TMEM232: variants seen among roughly 807,000 people sequenced by gnomAD.
The protein encoded by TMEM232 is transmembrane protein 232.
TMEM232 carries 80 observed loss-of-function variants against 78.8 expected under a neutral mutation model. The observed-to-expected ratio is 1.01, with a 90% CI of 0.85 to 1.22. TMEM232 has a LOEUF of 1.22. Ranked by LOEUF, TMEM232 falls within the 50% of genes most tolerant of loss-of-function variation. The pLI is 0.00. For missense variants in TMEM232, 881 were observed against 742.2 expected (o/e 1.19, Z -2.17); for synonymous variants, 297 against 254.3 (o/e 1.17, Z -1.60).
At chr5:110,663,765 G>T (rs1462892436) in intron 2 of TMEM232, among the ~76,000 whole-genome samples, 1 of 151,406 alleles carries the variant, frequency 6.6e-6, no homozygotes, top group Non-Finnish European at 1.5e-5. Flanking sequence ...GTGTGTGTGT[G>T]TGTGTGTGTA....
In TMEM232 at chr5:110,451,787, A is replaced by G. The variant is rs549590523; in HGVS notation, c.1704-26871T>C. On this transcript the variant is annotated intron_variant, in intron 12 of 13. Coordinates refer to ENST00000455884, the MANE Select transcript of TMEM232 (RefSeq NM_001039763.4). ...AGCATTTATTATTTATTAGTATCAT[A>G]GGTAGTTATGAACATCACTTATTAT... Among the ~76,000 whole-genome samples the G allele has an allele frequency of 2.5e-4, 38 of 152,216 alleles. 1 individual carries two copies. The highest frequency in any genetic ancestry group is 9.1e-4 in the African/African-American group (38 of 41,578).
intron 2 of TMEM232, among the ~76,000 whole-genome samples, chr5:110,407,446 TGATA>T (rs1755833036): frequency 6.6e-6 from 1 of 152,158 alleles, no homozygotes; most frequent in African/African-American, 2.4e-5. Flanking sequence ...TACTATATAT[TGATA>T]AAGGGGTCAA....
At chr5:110,434,342 T>C (rs1258690145) in intron 12 of TMEM232, among the ~76,000 whole-genome samples, 1 of 151,494 alleles carries the variant, frequency 6.6e-6, no homozygotes, top group African/African-American at 2.4e-5. Flanking sequence ...TGAACATCTC[T>C]ATGCACAGAA....
intron 2 of TMEM232, among the ~76,000 whole-genome samples, chr5:110,658,781 C>T (rs1174722648): frequency 1.3e-5 from 2 of 152,020 alleles, no homozygotes. Context: ...TATTTAACTA[C>T]CAAAGATGGA....
intron 10 of TMEM232, among the ~76,000 whole-genome samples, chr5:110,572,437 C>T (rs550372001): frequency 1.3e-5 from 2 of 151,990 alleles, no homozygotes; most frequent in African/African-American, 4.8e-5. Context: ...ATAAAACATA[C>T]AGTGAATTTT....
chr5:110,547,412 A>G (rs1050710188), intron 11 of TMEM232, among the ~76,000 whole-genome samples: 3 of 152,180 alleles, frequency 2.0e-5, no homozygotes, highest in Non-Finnish European at 2.9e-5. Context: ...TGAGACCCAC[A>G]CAGGTACTAA....
At chr5:110,568,658 C>A in intron 10 of TMEM232, 33 bp from the exon 11 acceptor site, 1 of 1,507,474 alleles carries the variant, frequency 6.6e-7, no homozygotes, top group Non-Finnish European at 8.8e-7. Context: ...TGGGAATTAT[C>A]ATTTTATTCA....
At chr5:110,500,176 C>T (rs1292255968) in intron 12 of TMEM232, among the ~76,000 whole-genome samples, 1 of 150,944 alleles carries the variant, frequency 6.6e-6, no homozygotes, top group African/African-American at 2.4e-5. Flanking sequence ...CCTGTAATCT[C>T]AGCTACTTGG....
At chr5:110,435,954 C>T (rs1033588647) in intron 12 of TMEM232, among the ~76,000 whole-genome samples, 7 of 151,608 alleles carry the variant, frequency 4.6e-5, no homozygotes, top group African/African-American at 1.7e-4. Flanking sequence ...TATGGATTTC[C>T]TATTTCTTGA....
rs192890423 is a variant in TMEM232 at position 110,632,681 on chromosome 5, C to T, written c.502-4801G>A. 6.5e-3 allele frequency among the ~76,000 whole-genome samples: 989 copies of T among 151,848 alleles called. 6 individuals carry two copies. The highest frequency in any genetic ancestry group is 8.5e-3 in the Non-Finnish European group (580 of 67,934). On this transcript the variant is annotated intron_variant, in intron 5 of 13. Coordinates refer to ENST00000455884, the MANE Select transcript of TMEM232 (RefSeq NM_001039763.4). ...AGAATCTCAGAACCTGAAGACATGT[C>T]TTTTGATATAACTTGGAGAAAAACA...
intron 2 of TMEM232, among the ~76,000 whole-genome samples, chr5:110,652,300 A>ACACACACACACGCG (rs1211601856): frequency 1.3e-5 from 2 of 150,952 alleles, no homozygotes; most frequent in Middle Eastern, 3.4e-3. Context: ...GCGCGCACAC[A>ACACACACACACGCG]CACACACACA....
intron 12 of TMEM232, among the ~76,000 whole-genome samples, chr5:110,502,463 G>A (rs1367086770): frequency 6.6e-6 from 1 of 152,064 alleles, no homozygotes; most frequent in Non-Finnish European, 1.5e-5. Context: ...ATCTTGAAGG[G>A]GAAATAAAAG....
intron 1 of TMEM232, among the ~76,000 whole-genome samples, chr5:110,669,046 C>T (rs964365649): frequency 2.0e-5 from 3 of 152,060 alleles, no homozygotes; most frequent in Non-Finnish European, 2.9e-5. Flanking sequence ...ACAATTGAAA[C>T]CCTAACATCA....
At chr5:110,491,858 A>C (rs987325922) in intron 12 of TMEM232, among the ~76,000 whole-genome samples, 2 of 151,956 alleles carry the variant, frequency 1.3e-5, no homozygotes, top group African/African-American at 4.8e-5. Flanking sequence ...AAGTAATACT[A>C]TGAAGGAAAA....
intron 13 of TMEM232, among the ~76,000 whole-genome samples, chr5:110,424,281 T>C (rs1372478844): frequency 6.6e-6 from 1 of 152,214 alleles, no homozygotes; most frequent in East Asian, 1.9e-4. Context: ...TTTTCTCTCA[T>C]ATTTTAATTC....
intron 1 of TMEM232, among the ~76,000 whole-genome samples, chr5:110,720,192 C>T (rs1797448740): frequency 6.6e-6 from 1 of 152,120 alleles, no homozygotes; most frequent in Admixed American, 6.6e-5. Context: ...CTGAGCAGAG[C>T]AGTAGCTTCC....
intron 7 of TMEM232, among the ~76,000 whole-genome samples, chr5:110,622,212 C>T (rs1313198544): frequency 1.3e-5 from 2 of 152,116 alleles, no homozygotes; most frequent in Non-Finnish European, 2.9e-5. Flanking sequence ...CAGGACAGCA[C>T]AAAATGTCCC....
chr5:110,705,328 G>C (rs1328578879), intron 1 of TMEM232, among the ~76,000 whole-genome samples: 1 of 152,074 alleles, frequency 6.6e-6, no homozygotes, highest in African/African-American at 2.4e-5. Flanking sequence ...GACAAGTTGG[G>C]AATGTATTTA....
chr5:110,606,993 G>T (rs1268943890), intron 8 of TMEM232, among the ~76,000 whole-genome samples: 2 of 151,086 alleles, frequency 1.3e-5, no homozygotes, highest in Non-Finnish European at 2.9e-5. Flanking sequence ...GCCTTGATTT[G>T]TAGACCATTA....
Sources: gnomAD v4.1 joint callset for allele counts (sites outside exome capture counted in the v4.1 genomes callset) on GRCh38, gnomAD v4.1.1 for gene constraint, MANE v1.5 for transcripts, NCBI Gene and HGNC (gene_info 2026-07-23, HGNC 2026-07-21) for gene names.